Variants in KDM4C observed in about 807,000 individuals in gnomAD.
KDM4C encodes lysine demethylase 4C, also known as lysine-specific demethylase 4C.
Under a neutral mutation model 129.3 loss-of-function variants are expected in KDM4C, and 81 were observed. The observed-to-expected ratio is 0.63, with a 90% CI of 0.52 to 0.75. The LOEUF is 0.75. Among genes scored for constraint, KDM4C ranks in the 30% least tolerant of loss-of-function variants. KDM4C has a pLI of 0.00. For missense variants in KDM4C, 1,457 were observed against 1,304.0 expected (o/e 1.12, Z -1.81); for synonymous variants, 573 against 456.1 (o/e 1.26, Z -3.26).
At chr9:7,076,472 A>G in intron 17 of KDM4C, 1 of 1,550,790 alleles carries the variant, frequency 6.4e-7, no homozygotes. Flanking sequence ...AGTAACAACA[A>G]CAACAATAAC....
At chr9:6,747,319 G>A (rs1057244481) in intron 1 of KDM4C, among the ~76,000 whole-genome samples, 2 of 151,434 alleles carry the variant, frequency 1.3e-5, no homozygotes, top group Admixed American at 6.6e-5. Flanking sequence ...AGGCCGAGAG[G>A]GGCGGATCGC....
chr9:6,729,994 G>T (rs750019590), intron 1 of KDM4C, among the ~76,000 whole-genome samples: 1 of 125,898 alleles, frequency 7.9e-6, no homozygotes, highest in Non-Finnish European at 1.6e-5. Context: ...CCTGTAGTCC[G>T]AACTACTCTG....
At chr9:7,009,223 G>C (rs959059391) in intron 12 of KDM4C, among the ~76,000 whole-genome samples, 3 of 152,174 alleles carry the variant, frequency 2.0e-5, no homozygotes, top group Admixed American at 2.0e-4. Flanking sequence ...ACATATTCTG[G>C]AGGTAAAGAA....
At chr9:6,728,258 G>T (rs1453448375) in intron 1 of KDM4C, among the ~76,000 whole-genome samples, 1 of 152,138 alleles carries the variant, frequency 6.6e-6, no homozygotes, top group Admixed American at 6.6e-5. Flanking sequence ...ATTCTTGGCC[G>T]GATGTGGTGG....
intron 8 of KDM4C, among the ~76,000 whole-genome samples, chr9:6,926,377 A>G (rs1389341902): frequency 6.7e-6 from 1 of 149,916 alleles, no homozygotes; most frequent in Non-Finnish European, 1.5e-5. Context: ...AAAATGAATG[A>G]AAGGGACACA....
Position 7,025,515 on chromosome 9 carries a change from A to G in KDM4C, c.2259+9586A>G, listed in dbSNP as rs116953846. Among the ~76,000 whole-genome samples the G allele has an allele frequency of 2.7e-3, 409 of 152,176 alleles. 3 individuals carry two copies. The highest frequency in any genetic ancestry group is 0.019 in the East Asian group (98 of 5,184). On this transcript the variant is annotated intron_variant, in intron 15 of 21. Coordinates refer to ENST00000381309, the MANE Select transcript of KDM4C (RefSeq NM_015061.6). ...ATTTCTTCCTTTTTATTTTTTAGGTATATGTTATATGGTTTTTGATTTGAG... is the reference window on the plus strand; with the variant it reads ...ATTTCTTCCTTTTTATTTTTTAGGTGTATGTTATATGGTTTTTGATTTGAG...
chr9:7,119,913 A>G (rs1839310217), intron 18 of KDM4C, among the ~76,000 whole-genome samples: 1 of 152,102 alleles, frequency 6.6e-6, no homozygotes, highest in Non-Finnish European at 1.5e-5. Context: ...ATGATCAGCC[A>G]TGTCTGTCTC....
At chr9:6,747,174 T>C (rs867924485) in intron 1 of KDM4C, among the ~76,000 whole-genome samples, 4 of 150,888 alleles carry the variant, frequency 2.7e-5, no homozygotes, top group East Asian at 2.0e-4. Context: ...GCCCGGGTGA[T>C]AGAGCAAGAC....
intron 12 of KDM4C, 130 bp downstream of exon 12, chr9:6,990,654 A>G: frequency 1.6e-6 from 1 of 609,510 alleles, no homozygotes; most frequent in Non-Finnish European, 2.9e-6. Context: ...GAGATCATAC[A>G]TAATAAATAA....
At chr9:6,881,915 C>A (rs1174932389) in intron 6 of KDM4C, among the ~76,000 whole-genome samples, 1 of 152,180 alleles carries the variant, frequency 6.6e-6, no homozygotes, top group East Asian at 1.9e-4. Flanking sequence ...GAATGTCTAG[C>A]TGATAGCAAC....
chr9:7,024,096 G>A (rs920644972), intron 15 of KDM4C, among the ~76,000 whole-genome samples: 1 of 152,152 alleles, frequency 6.6e-6, no homozygotes, highest in Non-Finnish European at 1.5e-5. Flanking sequence ...AAAAGAATGT[G>A]TATCCTGTGA....
chr9:6,962,569 G>A (rs1830214179), intron 8 of KDM4C, among the ~76,000 whole-genome samples: 1 of 152,012 alleles, frequency 6.6e-6, no homozygotes, highest in Admixed American at 6.5e-5. Flanking sequence ...AATGTTTTCA[G>A]CATTTACATT....
At chr9:6,988,507 T>C (rs570824941) in intron 11 of KDM4C, among the ~76,000 whole-genome samples, 1 of 45,426 alleles carries the variant, frequency 2.2e-5, no homozygotes, top group East Asian at 8.3e-4. Context: ...CACCATGGTG[T>C]TGGATAACTC....
chr9:7,013,416 C>G (rs548532894), intron 13 of KDM4C, among the ~76,000 whole-genome samples: 16 of 152,160 alleles, frequency 1.1e-4, no homozygotes, highest in Non-Finnish European at 1.6e-4. Context: ...TCTTTGTACA[C>G]TCCTTCAAGT....
At chr9:6,812,535 G>A (rs1324995024) in intron 3 of KDM4C, among the ~76,000 whole-genome samples, 1 of 152,160 alleles carries the variant, frequency 6.6e-6, no homozygotes, top group Non-Finnish European at 1.5e-5. Context: ...GTTCTCATAA[G>A]GAGTGTGCAA....
In KDM4C at chr9:6,801,239, ATTTTTTTTTTT is replaced by A. The variant is rs59151680; in HGVS notation, c.145-4338_145-4328del. ...CATTTTTATGTCCTTGAGTAGGGAA[ATTTTTTTTTTT>A]TTTTTTTTTTTTTTTTTTTTTGAGA... On this transcript the variant is annotated intron_variant, in intron 2 of 21. Coordinates refer to ENST00000381309, the MANE Select transcript of KDM4C (RefSeq NM_015061.6). Among the ~76,000 whole-genome samples, 50 of 65,742 alleles carry A rather than the reference ATTTTTTTTTTT, an allele frequency of 7.6e-4. No homozygotes were observed. In the East Asian group the frequency reaches 8.1e-3, roughly 11 times the overall value. 43.1% of individuals were successfully genotyped at this position (65,742 alleles called of 152,430 possible).
chr9:6,778,015 G>T (rs11787672), intron 1 of KDM4C, among the ~76,000 whole-genome samples: 1 of 150,542 alleles, frequency 6.6e-6, no homozygotes, highest in East Asian at 2.0e-4. Flanking sequence ...TGAACTCTTG[G>T]ACTCAGGGAA....
At chr9:6,792,346 A>C (rs756226802) in intron 1 of KDM4C, among the ~76,000 whole-genome samples, 15 of 150,494 alleles carry the variant, frequency 1.0e-4, no homozygotes, top group Admixed American at 2.0e-4. Context: ...GTCTCAAAAA[A>C]AAAATTTTTA....
intron 4 of KDM4C, among the ~76,000 whole-genome samples, chr9:6,823,096 A>G (rs986652076): frequency 2.6e-5 from 4 of 152,182 alleles, no homozygotes; most frequent in African/African-American, 2.4e-5. Context: ...TGCTCATGCT[A>G]TTACCTTCAT....
Sources: gnomAD v4.1 joint callset for allele counts (sites outside exome capture counted in the v4.1 genomes callset) on GRCh38, gnomAD v4.1.1 for gene constraint, MANE v1.5 for transcripts, NCBI Gene and HGNC (gene_info 2026-07-23, HGNC 2026-07-21) for gene names.